Variants in NAALADL2 observed in about 807,000 individuals in gnomAD.
NAALADL2 encodes the protein N-acetylated alpha-linked acidic dipeptidase like 2, also known as inactive N-acetylated-alpha-linked acidic dipeptidase-like protein 2.
NAALADL2 carries 76 observed loss-of-function variants against 87.2 expected under a neutral mutation model. That is an observed-to-expected ratio of 0.87 (90% CI 0.72 to 1.05). The LOEUF (loss-of-function observed/expected upper bound fraction) is 1.05. NAALADL2 is among the 50% of genes least tolerant of loss of function. The pLI is 0.00. For synonymous variants in NAALADL2, 354 were observed against 331.0 expected, an observed-to-expected ratio of 1.07 and a Z score of -0.75; for missense variants, 1,089 against 945.8, an observed-to-expected ratio of 1.15 and a Z score of -1.99.
intron 5 of NAALADL2, among the ~76,000 whole-genome samples, chr3:175,400,356 A>T (rs550060867): frequency 5.3e-5 from 8 of 151,880 alleles, no homozygotes; most frequent in Non-Finnish European, 1.0e-4. Flanking sequence ...TGTTGCAGAA[A>T]CTCCTGTGTA....
chr3:175,380,719 A>G (rs998987857), intron 5 of NAALADL2, among the ~76,000 whole-genome samples: 7 of 152,146 alleles, frequency 4.6e-5, no homozygotes, highest in African/African-American at 1.7e-4. Context: ...AAAGCTTTTT[A>G]TGTTTTGAGA....
intron 3 of NAALADL2, among the ~76,000 whole-genome samples, chr3:174,797,243 C>T (rs1202927033): frequency 6.6e-6 from 1 of 151,506 alleles, no homozygotes; most frequent in Non-Finnish European, 1.5e-5. Flanking sequence ...TCATCAAAGA[C>T]CAGTAGGCTC....
At chr3:174,836,198 CT>C (rs924058002) in intron 3 of NAALADL2, among the ~76,000 whole-genome samples, 2 of 152,064 alleles carry the variant, frequency 1.3e-5, no homozygotes, top group African/African-American at 4.8e-5. Flanking sequence ...AGGGATGAAC[CT>C]TGTAGTCATT....
At chr3:174,856,309 G>T (rs1038873794), upstream of NAALADL2, among the ~76,000 whole-genome samples, 2 of 152,078 alleles carry the variant, frequency 1.3e-5, no homozygotes, top group African/African-American at 4.8e-5. Context: ...CCCAGTCTGA[G>T]AAATAATTAA....
intron 1 of NAALADL2, among the ~76,000 whole-genome samples, chr3:174,475,455 T>A: frequency 8.8e-6 from 1 of 114,282 alleles, no homozygotes; most frequent in South Asian, 3.2e-4. Flanking sequence ...TATAATTGTG[T>A]AATTTTTTTT....
chr3:175,375,379 G>A lies in NAALADL2; in HGVS notation c.1090+51054G>A, dbSNP rs141956897. On this transcript the variant is annotated intron_variant, in intron 5 of 13. Coordinates refer to ENST00000454872, the MANE Select transcript of NAALADL2 (RefSeq NM_207015.3). The stretch of plus-strand genomic sequence containing the variant: ...TGTACAGAGCTATTTGGAGATGACT[G>A]AAATACAGCATTAGCAGTGTTGTGT... Among the ~76,000 whole-genome samples, 451 of 152,276 alleles carry A rather than the reference G, an allele frequency of 3.0e-3. 4 individuals are homozygous for A. Among genetic ancestry groups the A allele is most frequent in the African/African-American group, 0.01 (419 of 41,570 alleles).
At chr3:175,349,986 T>C (rs747621519) in intron 5 of NAALADL2, among the ~76,000 whole-genome samples, 2 of 151,174 alleles carry the variant, frequency 1.3e-5, no homozygotes, top group African/African-American at 2.4e-5. Context: ...TGTTTGTGAC[T>C]CCTCCGAAGG....
chr3:174,800,584 C>T (rs1718704563), intron 3 of NAALADL2, among the ~76,000 whole-genome samples: 1 of 152,126 alleles, frequency 6.6e-6, no homozygotes, highest in Non-Finnish European at 1.5e-5. Flanking sequence ...GGGTTTGGAG[C>T]CCCTCCCCCC....
chr3:175,097,962 G>C (rs1721443574), intron 2 of NAALADL2, among the ~76,000 whole-genome samples: 1 of 152,060 alleles, frequency 6.6e-6, no homozygotes, highest in Non-Finnish European at 1.5e-5. Context: ...ATTCTTTCTG[G>C]GTTACATTGA....
chr3:175,694,545 G>T (rs1737483767), intron 11 of NAALADL2, among the ~76,000 whole-genome samples: 1 of 151,986 alleles, frequency 6.6e-6, no homozygotes, highest in South Asian at 2.1e-4. Context: ...AATTAATTTT[G>T]GGGGCATTCA....
At chr3:175,251,899 A>G (rs1012816735) in intron 3 of NAALADL2, among the ~76,000 whole-genome samples, 1 of 152,250 alleles carries the variant, frequency 6.6e-6, no homozygotes, top group African/African-American at 2.4e-5. Flanking sequence ...CATAAGCCAA[A>G]ATAAATTGAT....
intron 2 of NAALADL2, among the ~76,000 whole-genome samples, chr3:174,682,487 C>A (rs1193820972): frequency 1.3e-5 from 2 of 152,206 alleles, no homozygotes; most frequent in African/African-American, 4.8e-5. Context: ...TGACACAGTG[C>A]AGTCCCAGTT....
chr3:175,349,248 T>C (rs1397294154), intron 5 of NAALADL2, among the ~76,000 whole-genome samples: 1 of 151,062 alleles, frequency 6.6e-6, no homozygotes, highest in Non-Finnish European at 1.5e-5. Context: ...TCCTAGCTTG[T>C]TCCAGAGACT....
chr3:175,705,704 G>C (rs916919475), intron 11 of NAALADL2, among the ~76,000 whole-genome samples: 13 of 151,988 alleles, frequency 8.6e-5, no homozygotes, highest in Admixed American at 7.9e-4. Flanking sequence ...TAAAGATGAG[G>C]ACTCTGAAAT....
intron 2 of NAALADL2, among the ~76,000 whole-genome samples, chr3:174,732,471 A>C (rs1302461568): frequency 6.6e-6 from 1 of 152,132 alleles, no homozygotes; most frequent in Non-Finnish European, 1.5e-5. Context: ...GGAAATGTTG[A>C]GTAACAAATA....
At chr3:174,912,480 T>G (rs900962277) in intron 1 of NAALADL2, among the ~76,000 whole-genome samples, 2 of 152,168 alleles carry the variant, frequency 1.3e-5, no homozygotes, top group African/African-American at 4.8e-5. Context: ...AGCTAAATGT[T>G]TCATTGGAAT....
Position 174,839,665 on chromosome 3 carries a change from C to T in NAALADL2, c.-9+101919C>T, listed in dbSNP as rs1357112272. ...ATCAGCAAGAAAAAAAACAAATAAT[C>T]CCATCAAAAAGTGGGCTAAGGACAT... On this transcript the variant is annotated intron_variant, in intron 3 of 3. Transcript: ENST00000434257. Among the ~76,000 whole-genome samples, 4 of 151,652 alleles carry T rather than the reference C, an allele frequency of 2.6e-5. No individual in the cohort carries two copies. The East Asian group carries it at 5.8e-4, about 22-fold the overall frequency.
At chr3:175,770,583 T>C (rs1749362743) in intron 13 of NAALADL2, among the ~76,000 whole-genome samples, 1 of 152,192 alleles carries the variant, frequency 6.6e-6, no homozygotes, top group South Asian at 2.1e-4. Flanking sequence ...CTTTATGCAA[T>C]AATGTGAAAT....
In NAALADL2 at chr3:175,569,799, C is replaced by CT. The variant is rs1717750158; in HGVS notation, c.1654-6240dup. On this transcript the variant is annotated intron_variant, in intron 9 of 13. Transcript: ENST00000454872. Reference sequence around the variant, plus strand: ...TTTAAGCCACCTGTTACAGCATTCTCTTATAGCAGCCCAGACCAACTAATA... The same window carrying CT: ...TTTAAGCCACCTGTTACAGCATTCTCTTTATAGCAGCCCAGACCAACTAATA... 3.3e-5 allele frequency among the ~76,000 whole-genome samples: 5 copies of CT among 150,818 alleles called. 1 individual carries two copies. In the South Asian group the frequency reaches 1.0e-3, roughly 32 times the overall value.
Sources: allele counts gnomAD v4.1 joint callset (sites outside exome capture counted in the v4.1 genomes callset), GRCh38; gene constraint gnomAD v4.1.1; transcripts MANE v1.5; gene names NCBI Gene and HGNC (gene_info 2026-07-23, HGNC 2026-07-21).